The following TNRC6B variants were observed in gnomAD, a reference collection of about 807,000 sequenced individuals.
The protein encoded by TNRC6B is trinucleotide repeat containing adaptor 6B, also known as trinucleotide repeat-containing gene 6B protein.
Under a neutral mutation model 203.6 loss-of-function variants are expected in TNRC6B, and 52 were observed. The ratio of observed to expected loss-of-function variants is 0.26; its 90% CI spans 0.20 to 0.32. The LOEUF (loss-of-function observed/expected upper bound fraction) is 0.32, where lower values mean the gene tolerates loss of function less well. Ranked by LOEUF, TNRC6B falls within the 10% of genes least tolerant of loss-of-function variation. TNRC6B has a pLI of 1.00. For missense variants in TNRC6B, 1,923 were observed against 2,286.2 expected (o/e 0.84, Z 3.24); for synonymous variants, 838 against 845.7 (o/e 0.99, Z 0.16).
chr22:40,264,425 G>T lies in TNRC6B; in HGVS notation c.458-263G>T, dbSNP rs188258224. 2.2e-3 allele frequency among the ~76,000 whole-genome samples: 342 copies of T among 152,272 alleles called. 2 individuals are homozygous for T. The highest frequency in any genetic ancestry group is 7.1e-3 in the African/African-American group (295 of 41,534). The stretch of plus-strand genomic sequence containing the variant: ...TGCCATTGCTATTGCCTTGTCCCAA[G>T]ATACAAGAAGGCCCTTCTCTGTCAA... On this transcript the variant is annotated intron_variant, in intron 4 of 22. Coordinates refer to ENST00000454349, the MANE Select transcript of TNRC6B (RefSeq NM_001162501.2).
chr22:40,052,274 G>A (rs1017144782), intron 1 of TNRC6B, among the ~76,000 whole-genome samples: 1 of 151,620 alleles, frequency 6.6e-6, no homozygotes, highest in Non-Finnish European at 1.5e-5. Flanking sequence ...GATTACTTAC[G>A]GTCTTTACCA....
At chr22:40,276,983 TA>T in intron 7 of TNRC6B, 93 bp from the exon 8 acceptor site, 1 of 895,254 alleles carries the variant, frequency 1.1e-6, no homozygotes, top group South Asian at 2.7e-5. Context: ...CTTAAAAAGG[TA>T]AACTCAAGTC....
chr22:40,057,094 A>T (rs1264315170), intron 1 of TNRC6B, among the ~76,000 whole-genome samples: 1 of 152,200 alleles, frequency 6.6e-6, no homozygotes, highest in Admixed American at 6.5e-5. Context: ...TGCACATAGT[A>T]GGTGTAAACA....
intron 3 of TNRC6B, among the ~76,000 whole-genome samples, chr22:40,261,469 T>C (rs1291982711): frequency 2.0e-5 from 3 of 151,710 alleles, no homozygotes; most frequent in Non-Finnish European, 1.5e-5. Context: ...TCCGAGCTAC[T>C]TGGGAGGCTG....
chr22:40,078,156 T>G (rs1277895856), intron 1 of TNRC6B, among the ~76,000 whole-genome samples: 3 of 152,238 alleles, frequency 2.0e-5, no homozygotes, highest in East Asian at 3.8e-4. Flanking sequence ...TAGTGGAAAC[T>G]TCTTTCATGA....
chr22:40,241,344 A>G (rs530589908), intron 1 of TNRC6B, among the ~76,000 whole-genome samples: 2 of 152,344 alleles, frequency 1.3e-5, no homozygotes, highest in South Asian at 4.1e-4. Flanking sequence ...ACACCGATTC[A>G]TGACCACCAC....
intron 1 of TNRC6B, among the ~76,000 whole-genome samples, chr22:40,204,365 T>C (rs1387661232): frequency 6.6e-6 from 1 of 152,234 alleles, no homozygotes; most frequent in African/African-American, 2.4e-5. Context: ...CAATTTTTTT[T>C]GCCTTTGTTG....
Position 40,332,019 on chromosome 22 carries a change from G to A in TNRC6B, c.*8778G>A, listed in dbSNP as rs2043987537. On this transcript the variant is annotated 3_prime_UTR_variant, in exon 23 of 23. Transcript: ENST00000454349. ...CCTAGCCGTGCAGTGTTAATCCAGT[G>A]CAGCAATGGAACTCCACAGGCTCCA... 5.4e-6 allele frequency: 1 copy of A among 186,356 alleles called. No homozygotes were observed. The highest frequency in any genetic ancestry group is 6.2e-5 in the Admixed American group (1 of 16,170). 11.5% of individuals were successfully genotyped at this position (186,356 alleles called of 1,614,324 possible). A position where few individuals can be genotyped will look rare whatever the true frequency, so the allele number is the denominator to read the frequency against.
chr22:40,310,208 G>A (rs1290919761), intron 16 of TNRC6B, among the ~76,000 whole-genome samples: 1 of 152,176 alleles, frequency 6.6e-6, no homozygotes, highest in Admixed American at 6.5e-5. Flanking sequence ...GTGAGGCCAC[G>A]GATCCCAGAG....
intron 3 of TNRC6B, among the ~76,000 whole-genome samples, chr22:40,254,873 C>T (rs1163529871): frequency 1.3e-5 from 2 of 152,030 alleles, no homozygotes; most frequent in South Asian, 2.1e-4. Context: ...GACAACAGAG[C>T]GAGACTCTGT....
chr22:40,181,166 T>A (rs928323751), intron 1 of TNRC6B, among the ~76,000 whole-genome samples: 1 of 152,230 alleles, frequency 6.6e-6, no homozygotes, highest in African/African-American at 2.4e-5. Context: ...GCCACTCGGA[T>A]GGTCCTTTAA....
chr22:40,134,571 G>A (rs1319439642), intron 3 of TNRC6B, among the ~76,000 whole-genome samples: 2 of 152,158 alleles, frequency 1.3e-5, no homozygotes, highest in Admixed American at 1.3e-4. Context: ...GTATCGGGTT[G>A]GGGGGCTACG....
chr22:40,062,898 G>T (rs2067865995), intron 1 of TNRC6B, among the ~76,000 whole-genome samples: 1 of 151,360 alleles, frequency 6.6e-6, no homozygotes, highest in African/African-American at 2.4e-5. Context: ...CTCCTAATCT[G>T]CAGGTTGATG....
rs185350408 is a variant in TNRC6B at position 40,265,975 on chromosome 22, G to T, written c.1745G>T (p.Ser582Ile). Residue 582 changes from serine to isoleucine, a missense_variant, in exon 5 of 23, where the codon AGT becomes ATT. Ser to Ile is a moderately radical substitution (Grantham distance 142, BLOSUM62 -2). Transcript: ENST00000454349. ...ACTGGAAGCAACCACAAAGCAGGAA[G>T]TAGTGACAGTCATAACTCTGGCCGT... ...QSTGSNHKAG[S>I]SDSHNSGRRS... The T allele has an allele frequency of 6.2e-7, 1 of 1,613,894 alleles. No homozygotes were observed. Among genetic ancestry groups the T allele is most frequent in the Non-Finnish European group, 8.5e-7 (1 of 1,179,912 alleles).
In TNRC6B at chr22:40,090,454, CTT is replaced by C. The variant is rs1899283853; in HGVS notation, c.-120-26598_-120-26597del. Among the ~76,000 whole-genome samples, 3 of 150,588 alleles carry C rather than the reference CTT, an allele frequency of 2.0e-5. No individual in the cohort carries two copies. The South Asian group carries it at 6.3e-4, about 31-fold the overall frequency. The stretch of plus-strand genomic sequence containing the variant: ...CCTAATGACATATGATGTTGAGTAT[CTT>C]TTCGTATCCTTATTTGCCATCTGTA... On this transcript the variant is annotated intron_variant, in intron 1 of 23. Coordinates refer to the TNRC6B transcript ENST00000301923.
intron 1 of TNRC6B, among the ~76,000 whole-genome samples, chr22:40,226,322 A>T (rs898596446): frequency 6.6e-6 from 1 of 152,060 alleles, no homozygotes; most frequent in Non-Finnish European, 1.5e-5. Flanking sequence ...TTGTCTGCCG[A>T]TTTTTTTCAA....
At chr22:40,190,056 A>G (rs1354413533) in intron 1 of TNRC6B, among the ~76,000 whole-genome samples, 1 of 152,184 alleles carries the variant, frequency 6.6e-6, no homozygotes, top group Non-Finnish European at 1.5e-5. Flanking sequence ...ACCACATCCT[A>G]ATTATAGACC....
At position 40,266,778 on chromosome 22, in the gene TNRC6B, A is replaced by G. The variant is rs368183034; in HGVS notation, c.2548A>G (p.Asn850Asp). ...AGGCCCACCCCCACCACCTCCAGGC[A>G]ACGTTCGACCTTCCAATTCCAGCTG... The part of the protein sequence containing the change: ...WGGPPPPPPG[N>D]VRPSNSSWSS... Residue 850 changes from asparagine to aspartate, a missense_variant, in exon 5 of 23, where the codon AAC (asparagine) becomes GAC (aspartate). Asn to Asp is a conservative substitution (Grantham distance 23). Coordinates refer to ENST00000454349, the MANE Select transcript of TNRC6B (RefSeq NM_001162501.2). The G allele has an allele frequency of 6.6e-5, 106 of 1,613,190 alleles. No homozygotes were observed. Among genetic ancestry groups the G allele is most frequent in the Middle Eastern group, 1.6e-4 (1 of 6,082 alleles).
intron 1 of TNRC6B, among the ~76,000 whole-genome samples, chr22:40,216,970 G>A (rs138021): frequency 0.61 from 93,454 of 152,006 alleles, 33,394 homozygotes; most frequent in East Asian, 0.99. Context: ...CGAACCCACA[G>A]CGCACAGGTA....
Sources: gnomAD v4.1 joint callset for allele counts (sites outside exome capture counted in the v4.1 genomes callset) on GRCh38, gnomAD v4.1.1 for gene constraint, MANE v1.5 for transcripts, NCBI Gene and HGNC (gene_info 2026-07-23, HGNC 2026-07-21) for gene names.